The following HGFAC variants were observed in gnomAD, a reference collection of about 807,000 sequenced individuals.
HGFAC encodes the protein hepatocyte growth factor activator serine protease.
A neutral mutation model predicts 70.6 loss-of-function variants in HGFAC; 76 were observed. The observed-to-expected ratio is 1.08, with a 90% CI of 0.89 to 1.30. The LOEUF is 1.30. Ranked by LOEUF, HGFAC falls within the 50% of genes most tolerant of loss-of-function variation. HGFAC has a pLI of 0.00. For missense variants in HGFAC, 1,044 were observed against 933.7 expected (o/e 1.12, Z -1.54); for synonymous variants, 464 against 405.3 (o/e 1.14, Z -1.74).
Position 3,448,277 on chromosome 4 carries a change from G to A in HGFAC, c.1785+1G>A, listed in dbSNP as rs757531620. 115 of 1,604,744 alleles carry A rather than the reference G, an allele frequency of 7.2e-5. No individual in the cohort carries two copies. Among genetic ancestry groups the A allele is most frequent in the Middle Eastern group, 2.3e-4 (1 of 4,356 alleles). ...CGACTGCAAGTCCGACGCCTGCCAG[G>A]TGAGCTGGTGCCCGCCCCACCAGGA... On this transcript the variant is annotated splice_donor_variant, in intron 13 of 13. Transcript: ENST00000382774. LOFTEE classifies it high-confidence loss of function.
chr4:3,446,320 C>T, intron 10 of HGFAC, 26 bp downstream of exon 10: 1 of 1,593,246 alleles, frequency 6.3e-7, no homozygotes, highest in Non-Finnish European at 8.5e-7. Flanking sequence ...GCCCCAGTCA[C>T]CTGCCCTGAG....
At position 3,446,199 on chromosome 4, in the gene HGFAC, C is replaced by T. The variant is rs751080820; in HGVS notation, c.1260C>T (p.Pro420=). 1.4e-5 allele frequency: 23 copies of T among 1,611,194 alleles called. No homozygotes were observed. Among genetic ancestry groups the T allele is most frequent in the Non-Finnish European group, 1.9e-5 (23 of 1,179,550 alleles). Residue 420 remains proline, a synonymous_variant, in exon 10 of 14, where the codon CCC becomes CCT. Transcript: ENST00000382774. ...CCTCCTCGCTGCCCGGCTCGCACCCCTGGCTGGCCGCCATCTACATCGGGG... is the reference window on the plus strand; with the variant it reads ...CCTCCTCGCTGCCCGGCTCGCACCCTTGGCTGGCCGCCATCTACATCGGGG... ...GGSSSLPGSH[P]WLAAIYIGDS...
In HGFAC at chr4:3,443,988, G is replaced by C. The variant is rs372418357; in HGVS notation, c.476-51G>C. On this transcript the variant is annotated intron_variant, in intron 4 of 13. Coordinates refer to ENST00000382774, the MANE Select transcript of HGFAC (RefSeq NM_001528.4). ...TAGCAAGCAGAGAATGTCACAGAGG[G>C]ACCCTGAGCCTCCCAGTCCGCCCCT... The C allele has an allele frequency of 8.0e-5, 122 of 1,522,834 alleles. No homozygotes were observed. In the East Asian group the frequency reaches 2.4e-3, roughly 29 times the overall value. 94.3% of individuals were successfully genotyped at this position (1,522,834 alleles called of 1,614,324 possible).
intron 11 of HGFAC, 91 bp downstream of exon 11, chr4:3,447,722 A>G: frequency 1.3e-6 from 2 of 1,570,390 alleles, no homozygotes; most frequent in South Asian, 1.1e-5. Flanking sequence ...CTGGGCAGAC[A>G]TGTGGTGCGG....
At chr4:3,447,397 C>A in intron 10 of HGFAC, 95 bp from the exon 11 acceptor site, 1 of 1,435,486 alleles carries the variant, frequency 7.0e-7, no homozygotes, top group Non-Finnish European at 9.7e-7. Flanking sequence ...GGTCCCACAC[C>A]ATTGGCCTCC....
intron 13 of HGFAC, 142 bp downstream of exon 13, chr4:3,448,418 G>T: frequency 9.7e-7 from 1 of 1,035,784 alleles, no homozygotes; most frequent in Non-Finnish European, 1.4e-6. Flanking sequence ...TGGGCAGGGA[G>T]CACACTTACT....
In HGFAC at chr4:3,443,113, C is replaced by A; in HGVS notation, c.362C>A (p.Ala121Asp). ...CGCTACGGGGGCCGCATGCTGCATG[C>A]CTGCACTTCGGAGGGCAGTGCACAC... ...PFRYGGRMLH[A>D]CTSEGSAHRK... is the part of the protein sequence containing the mutation. Residue 121 changes from alanine to aspartate, a missense_variant, in exon 3 of 14, where the codon GCC becomes GAC. By Grantham distance (126) the Ala-to-Asp change is moderately radical (BLOSUM62 -2). Transcript: ENST00000382774. The A allele has an allele frequency of 1.9e-6, 3 of 1,588,960 alleles. No individual in the cohort carries two copies. Among genetic ancestry groups the A allele is most frequent in the Non-Finnish European group, 2.6e-6 (3 of 1,173,392 alleles).
chr4:3,443,093 C>G lies in HGFAC; in HGVS notation c.342C>G (p.Tyr114Ter). 6.3e-7 allele frequency: 1 copy of G among 1,598,306 alleles called. No individual in the cohort carries two copies. The highest frequency in any genetic ancestry group is 8.5e-7 in the Non-Finnish European group (1 of 1,177,830). Residue 114 changes from tyrosine (Y) to a stop codon, truncating the protein, a stop_gained, in exon 3 of 14, where the codon TAC becomes TAG. Transcript: ENST00000382774. LOFTEE classifies it high-confidence loss of function. Reference sequence around the variant, plus strand: ...GGCCCTGCAGGTTCCCCTTCCGCTACGGGGGCCGCATGCTGCATGCCTGCA... The same window carrying G: ...GGCCCTGCAGGTTCCCCTTCCGCTAGGGGGGCCGCATGCTGCATGCCTGCA... ...DGRPCRFPFR[Y>*]GGRMLHACTS...
intron 13 of HGFAC, 36 bp downstream of exon 13, chr4:3,448,312 TG>T: frequency 6.3e-7 from 1 of 1,593,814 alleles, no homozygotes; most frequent in Non-Finnish European, 8.5e-7. Flanking sequence ...ACCCGACTGG[TG>T]GGGGCTCAGC....
Position 3,442,885 on chromosome 4 carries a change from C to A in HGFAC, c.271C>A (p.Pro91Thr). Residue 91 changes from proline to threonine, a missense_variant, in exon 2 of 14, where the codon CCC becomes ACC. Coordinates refer to ENST00000382774, the MANE Select transcript of HGFAC (RefSeq NM_001528.4). ...GGLPPPPRAV[P>T]SSSSPQAQAL... ...GCTCCCGCCCCCGCCCAGGGCAGTTCCCTCGAGCAGTAGCCCCCAGGCCCA... is the reference window on the plus strand; with the variant it reads ...GCTCCCGCCCCCGCCCAGGGCAGTTACCTCGAGCAGTAGCCCCCAGGCCCA... The A allele has an allele frequency of 6.4e-7, 1 of 1,566,634 alleles. No individual in the cohort carries two copies. Among genetic ancestry groups the A allele is most frequent in the Non-Finnish European group, 8.6e-7 (1 of 1,159,958 alleles).
rs1249284211 is a variant in HGFAC, at chr4:3,446,038, C to T, written c.1103-4C>T. Reference sequence around the variant, plus strand: ...GGGTGTGACCCGGTGACCTTTGCTCCCAGAATCCCTCACCAGAGTCCAACT... The same window carrying T: ...GGGTGTGACCCGGTGACCTTTGCTCTCAGAATCCCTCACCAGAGTCCAACT... On this transcript the variant is annotated splice_region_variant and splice_polypyrimidine_tract_variant and intron_variant, in intron 9 of 13. Transcript: ENST00000382774. The T allele has an allele frequency of 1.9e-6, 3 of 1,607,540 alleles. No individual in the cohort carries two copies. The Admixed American group carries it at 5.0e-5, about 27-fold the overall frequency.
rs1258966191 is a variant in HGFAC at position 3,447,520 on chromosome 4, C to A, written c.1384C>A (p.Leu462Met). The change falls in exon 11 of 14, where the codon CTG (leucine) becomes ATG (methionine). Residue 462 changes from leucine (L) to methionine (M), a missense_variant. Transcript: ENST00000382774. ...SPPRDSVSVV[L>M]GQHFFNRTTD... ...CCCCAGGGACAGCGTCTCCGTGGTG[C>A]TGGGCCAGCACTTCTTCAACCGCAC... is the stretch of plus-strand genomic sequence containing the variant. 1 of 1,612,664 alleles carries A rather than the reference C, an allele frequency of 6.2e-7. No homozygotes were observed. The highest frequency in any genetic ancestry group is 8.5e-7 in the Non-Finnish European group (1 of 1,179,896).
intron 5 of HGFAC, 28 bp downstream of exon 5, chr4:3,444,189 G>T (rs368328359): frequency 1.8e-5 from 29 of 1,577,496 alleles, no homozygotes; most frequent in Middle Eastern, 1.7e-4. Flanking sequence ...GGTCCGCAGG[G>T]GTCCAGGGGC....
rs770969819 is a variant in HGFAC, at chr4:3,444,412, C to T, written c.700C>T (p.Arg234Trp). 36 of 1,602,918 alleles carry T rather than the reference C, an allele frequency of 2.2e-5. 1 individual carries two copies. The highest frequency in any genetic ancestry group is 1.9e-4 in the South Asian group (17 of 89,030). The part of the protein sequence containing the change: ...HVEQCECFGG[R>W]TWCEGTRHTA... ...GGAACAGTGCGAGTGCTTCGGGGGC[C>T]GGACCTGGTGCGAAGGCACCCGACA... The change falls in exon 6 of 14, where the codon CGG becomes TGG. Residue 234 changes from arginine to tryptophan, a missense_variant. By Grantham distance (101) the Arg-to-Trp change is moderately radical. Transcript: ENST00000382774.
chr4:3,442,092 CG>C lies in HGFAC; in HGVS notation c.96del (p.Phe33SerfsTer28). On this transcript the variant is annotated frameshift_variant, in exon 1 of 14. Coordinates refer to ENST00000382774, the MANE Select transcript of HGFAC (RefSeq NM_001528.4). LOFTEE classifies it high-confidence loss of function. ...CCTCCTGCTGCTGCTGCTGCTGCCACGGGGGTTCCAGCCCCAGCCTGGCGGG... is the reference window on the plus strand; with the variant it reads ...CCTCCTGCTGCTGCTGCTGCTGCCACGGGGTTCCAGCCCCAGCCTGGCGGG... ...LLLLLLLLLP[R>X]GFQPQPGGNR... 2.6e-6 allele frequency: 4 copies of C among 1,560,022 alleles called. No homozygotes were observed. The highest frequency in any genetic ancestry group is 1.2e-5 in the South Asian group (1 of 85,068).
intron 13 of HGFAC, 40 bp from the exon 14 acceptor site, chr4:3,449,197 G>A: frequency 1.3e-6 from 2 of 1,580,754 alleles, no homozygotes; most frequent in Non-Finnish European, 1.7e-6. Context: ...CCCTGAACCA[G>A]GCCCCTGGGA....
In HGFAC at chr4:3,442,007, G is replaced by A. The variant is rs535883708; in HGVS notation, c.6G>A (p.Gly2=). The change falls in exon 1 of 14, where the codon GGG becomes GGA. Residue 2 remains glycine, a synonymous_variant. Transcript: ENST00000382774. ...CTCAGGCCAGCTCAGGAGCCATGGG[G>A]CGCTGGGCCTGGGTCCCCAGCCCCT... The part of the protein sequence containing the change: M[G]RWAWVPSPWP... 2 of 1,497,934 alleles carry A rather than the reference G, an allele frequency of 1.3e-6. No individual in the cohort carries two copies. The highest frequency in any genetic ancestry group is 1.5e-5 in the African/African-American group (1 of 68,502). 92.8% of individuals were successfully genotyped at this position (1,497,934 alleles called of 1,614,324 possible).
chr4:3,448,092 G>A lies in HGFAC; in HGVS notation c.1637-36G>A, dbSNP rs961757377. 3.8e-6 allele frequency: 6 copies of A among 1,567,246 alleles called. 1 individual carries two copies. In the Middle Eastern group the frequency reaches 5.5e-4, roughly 143 times the overall value. On this transcript the variant is annotated intron_variant, in intron 12 of 13. Coordinates refer to ENST00000382774, the MANE Select transcript of HGFAC (RefSeq NM_001528.4). ...CCAGGGTGGACAGTGGCCAGCCACA[G>A]TGTGGGTGTCACGCTGAGGGCATTG...
intron 9 of HGFAC, chr4:3,445,597 G>A: frequency 1.7e-6 from 1 of 603,710 alleles, no homozygotes. Context: ...GCCCAGCCTG[G>A]ACCATGCCCA....
Sources: gnomAD v4.1 joint callset for allele counts on GRCh38, gnomAD v4.1.1 for gene constraint, MANE v1.5 for transcripts, NCBI Gene and HGNC (gene_info 2026-07-23, HGNC 2026-07-21) for gene names.